Variants in KANK1 observed in about 807,000 individuals in gnomAD.
KANK1 encodes KN motif and ankyrin repeat domain-containing protein 1.
Under a neutral mutation model 106.2 loss-of-function variants are expected in KANK1, and 109 were observed. The ratio of observed to expected loss-of-function variants is 1.03; its 90% CI spans 0.88 to 1.20. KANK1 has a LOEUF of 1.20. Among genes scored for constraint, KANK1 ranks in the 50% most tolerant of loss-of-function variants. The pLI is 0.00. For missense variants in KANK1, 2,399 were observed against 1,710.7 expected (o/e 1.40, Z -7.10); for synonymous variants, 873 against 652.2 (o/e 1.34, Z -5.16).
At chr9:683,209 G>T (rs1391059335) in intron 2 of KANK1, among the ~76,000 whole-genome samples, 1 of 152,156 alleles carries the variant, frequency 6.6e-6, no homozygotes, top group Admixed American at 6.5e-5. Context: ...TAATTCATGG[G>T]TACCCTCCGT....
chr9:508,948 G>A (rs1009704953), intron 1 of KANK1, among the ~76,000 whole-genome samples: 3 of 152,094 alleles, frequency 2.0e-5, no homozygotes, highest in Non-Finnish European at 4.4e-5. Flanking sequence ...TTCCAAACTA[G>A]GATTCAGTTT....
At chr9:686,920 AG>A (rs1818716749) in intron 2 of KANK1, 44 of 985,232 alleles carry the variant, frequency 4.5e-5, no homozygotes, top group Non-Finnish European at 5.2e-5. Flanking sequence ...TCTTCTAGAA[AG>A]GTAAAGGGGG....
At chr9:660,067 G>T (rs553293222) in intron 1 of KANK1, 29 of 417,568 alleles carry the variant, frequency 6.9e-5, no homozygotes, top group Non-Finnish European at 1.0e-4. Context: ...TGGCACTGAG[G>T]ATTATATCCA....
chr9:572,579 C>T (rs551905558), intron 1 of KANK1, among the ~76,000 whole-genome samples: 1 of 152,020 alleles, frequency 6.6e-6, no homozygotes, highest in Admixed American at 6.6e-5. Flanking sequence ...TTTGTAGAGA[C>T]AGGGTCTCGA....
intron 1 of KANK1, among the ~76,000 whole-genome samples, chr9:651,536 A>C (rs929523866): frequency 6.6e-6 from 1 of 152,184 alleles, no homozygotes; most frequent in Non-Finnish European, 1.5e-5. Flanking sequence ...CCTCTGTTGA[A>C]AGGATAAAGG....
intron 1 of KANK1, among the ~76,000 whole-genome samples, chr9:647,770 C>A (rs1473082022): frequency 6.6e-6 from 1 of 150,770 alleles, no homozygotes; most frequent in African/African-American, 2.5e-5. Context: ...AACCTCAATT[C>A]TTCTGGCTCA....
chr9:543,381 C>T (rs1380758027), intron 1 of KANK1, among the ~76,000 whole-genome samples: 2 of 151,806 alleles, frequency 1.3e-5, no homozygotes, highest in African/African-American at 4.8e-5. Context: ...CATGGTGAAA[C>T]CCCATGTCTA....
chr9:636,329 CT>C (rs889874269), intron 1 of KANK1, among the ~76,000 whole-genome samples: 1 of 152,148 alleles, frequency 6.6e-6, no homozygotes, highest in South Asian at 2.1e-4. Context: ...TATATTACTG[CT>C]TCTCATATTA....
chr9:519,741 G>A (rs1324333815), intron 1 of KANK1, among the ~76,000 whole-genome samples: 1 of 151,678 alleles, frequency 6.6e-6, no homozygotes, highest in Non-Finnish European at 1.5e-5. Context: ...ACATGCCTTT[G>A]GAATGGTGAG....
rs138908253 is a variant in KANK1 at position 609,659 on chromosome 9, G to A, written c.-83-67231G>A. ...AAATAAATAAATAAAATAAAATAAT[G>A]AATAGACTCAATAGACATTGATCCT... On this transcript the variant is annotated intron_variant, in intron 1 of 11. Transcript: ENST00000382297. 2.5e-3 allele frequency among the ~76,000 whole-genome samples: 382 copies of A among 152,080 alleles called. 5 individuals are homozygous for A. The highest frequency in any genetic ancestry group is 8.7e-3 in the African/African-American group (362 of 41,496).
At chr9:727,536 A>G (rs1325507995) in intron 3 of KANK1, among the ~76,000 whole-genome samples, 1 of 152,006 alleles carries the variant, frequency 6.6e-6, no homozygotes, top group Non-Finnish European at 1.5e-5. Context: ...GGCTGGTCTC[A>G]AACTCCTGAC....
intron 3 of KANK1, among the ~76,000 whole-genome samples, chr9:724,464 T>C (rs538998805): frequency 2.0e-5 from 3 of 152,332 alleles, no homozygotes; most frequent in African/African-American, 7.2e-5. Context: ...TTGTTGGTTA[T>C]TGAAGAGGAA....
chr9:612,175 A>G (rs1169067427), intron 1 of KANK1, among the ~76,000 whole-genome samples: 1 of 152,192 alleles, frequency 6.6e-6, no homozygotes, highest in Admixed American at 6.5e-5. Context: ...ATAGGAAACT[A>G]TCTGTTGTTT....
intron 1 of KANK1, among the ~76,000 whole-genome samples, chr9:605,645 G>C (rs1239713763): frequency 6.6e-6 from 1 of 151,758 alleles, no homozygotes. Context: ...AGACCCAAAT[G>C]ATGAATGGCT....
At position 735,141 on chromosome 9, in the gene KANK1, A is replaced by G. The variant is rs10429505; in HGVS notation, c.3333+306A>G. On this transcript the variant is annotated intron_variant, in intron 7 of 11. Transcript: ENST00000382297. ...AATTGCAGTCAGTCGTCATCTTTCT[A>G]CATATTTCATTTCTATTTATAGAAC... Among the ~76,000 whole-genome samples, 835 of 152,316 alleles carry G rather than the reference A, an allele frequency of 5.5e-3. 9 individuals carry two copies. Among genetic ancestry groups the G allele is most frequent in the African/African-American group, 0.019 (777 of 41,564 alleles).
intron 8 of KANK1, among the ~76,000 whole-genome samples, chr9:739,514 G>T (rs1834778496): frequency 6.6e-6 from 1 of 152,162 alleles, no homozygotes. Context: ...GGGTATAACT[G>T]CTTCCATCTT....
chr9:506,746 T>A (rs1054592676), intron 1 of KANK1, among the ~76,000 whole-genome samples: 1 of 152,146 alleles, frequency 6.6e-6, no homozygotes, highest in Admixed American at 6.5e-5. Flanking sequence ...AATGTGTGCA[T>A]ACATTAACTT....
intron 1 of KANK1, among the ~76,000 whole-genome samples, chr9:559,485 G>C (rs756556925): frequency 6.6e-6 from 1 of 152,062 alleles, no homozygotes; most frequent in Non-Finnish European, 1.5e-5. Flanking sequence ...GAGTTTGAGT[G>C]TCCAGGCCTG....
chr9:703,920 G>A (rs1261294665), intron 2 of KANK1, among the ~76,000 whole-genome samples: 2 of 152,040 alleles, frequency 1.3e-5, no homozygotes, highest in East Asian at 1.9e-4. Context: ...CACCATGTTG[G>A]ACAGACTGGT....
Sources: allele counts gnomAD v4.1 joint callset (sites outside exome capture counted in the v4.1 genomes callset), GRCh38; gene constraint gnomAD v4.1.1; transcripts MANE v1.5; gene names NCBI Gene and HGNC (gene_info 2026-07-23, HGNC 2026-07-21).